Variants in SERGEF observed in about 807,000 individuals in gnomAD.
SERGEF encodes secretion regulating guanine nucleotide exchange factor, also known as secretion-regulating guanine nucleotide exchange factor.
In SERGEF, 51 loss-of-function variants were observed where a neutral mutation model predicts 50.0. The observed-to-expected ratio is 1.02, with a 90% CI of 0.81 to 1.29. The LOEUF (loss-of-function observed/expected upper bound fraction) is 1.29. Among genes scored for constraint, SERGEF ranks in the 50% most tolerant of loss-of-function variants. The pLI, the probability that SERGEF is intolerant of heterozygous loss-of-function variation, is 0.00. For synonymous variants in SERGEF, 205 were observed against 212.4 expected, an observed-to-expected ratio of 0.97 and a Z score of 0.30; for missense variants, 521 against 557.0, an observed-to-expected ratio of 0.94 and a Z score of 0.65.
intron 1 of SERGEF, 115 bp from the exon 2 acceptor site, chr11:18,008,191 GATTT>G: frequency 9.7e-7 from 1 of 1,029,570 alleles, no homozygotes; most frequent in Non-Finnish European, 1.4e-6. Context: ...TAACAGATGA[GATTT>G]ATTAGGCTCA....
chr11:17,885,115 C>CA (rs1337777438), intron 9 of SERGEF, among the ~76,000 whole-genome samples: 2 of 152,202 alleles, frequency 1.3e-5, no homozygotes. Flanking sequence ...CTCAAACTCT[C>CA]AAGTGACAGT....
intron 8 of SERGEF, among the ~76,000 whole-genome samples, chr11:17,976,600 G>T (rs1038629268): frequency 6.6e-6 from 1 of 151,386 alleles, no homozygotes; most frequent in Non-Finnish European, 1.5e-5. Flanking sequence ...GTGCCTGGCT[G>T]TCACTGTGAT....
intron 10 of SERGEF, among the ~76,000 whole-genome samples, chr11:17,789,442 C>T (rs1849442252): frequency 6.6e-6 from 1 of 152,178 alleles, no homozygotes; most frequent in Non-Finnish European, 1.5e-5. Flanking sequence ...TGAACAAATT[C>T]ATACAGCCAG....
intron 10 of SERGEF, among the ~76,000 whole-genome samples, chr11:17,842,051 C>T (rs940228569): frequency 6.6e-6 from 1 of 152,046 alleles, no homozygotes; most frequent in Non-Finnish European, 1.5e-5. Context: ...TTATCCTAGT[C>T]TGTAATTTTG....
chr11:17,811,454 C>A (rs1342130688), intron 10 of SERGEF, among the ~76,000 whole-genome samples: 1 of 152,214 alleles, frequency 6.6e-6, no homozygotes, highest in Non-Finnish European at 1.5e-5. Context: ...AGGCTCCAAG[C>A]TAAGAAGCCA....
At chr11:17,848,626 C>T (rs72873811) in intron 10 of SERGEF, among the ~76,000 whole-genome samples, 3,865 of 152,232 alleles carry the variant, frequency 0.025, 75 homozygotes, top group Non-Finnish European at 0.036. Flanking sequence ...ATAAACACTA[C>T]AAATTAGTGA....
At chr11:17,817,260 T>C (rs2133840761) in intron 10 of SERGEF, among the ~76,000 whole-genome samples, 1 of 151,368 alleles carries the variant, frequency 6.6e-6, no homozygotes, top group East Asian at 1.9e-4. Flanking sequence ...TCGCCCAGGC[T>C]GGAGAATGCA....
chr11:17,923,403 C>G (rs541928996), intron 9 of SERGEF, among the ~76,000 whole-genome samples: 1 of 152,312 alleles, frequency 6.6e-6, no homozygotes, highest in Non-Finnish European at 1.5e-5. Context: ...AAGTTCTGTC[C>G]TGAGGCCAAG....
intron 9 of SERGEF, among the ~76,000 whole-genome samples, chr11:17,929,220 T>C (rs965138308): frequency 2.0e-5 from 3 of 152,224 alleles, no homozygotes; most frequent in Non-Finnish European, 4.4e-5. Context: ...TCATCTCTCA[T>C]GCCCCCAAGA....
rs1446034066 is a variant in SERGEF, at chr11:17,884,249, G to T, written c.1012-6005C>A. ...TGGCCAGGGTGGAAGGGGAGTAACGGGGTTTAGGTTGGTACGGTACTGGGT... is the reference window on the plus strand; with the variant it reads ...TGGCCAGGGTGGAAGGGGAGTAACGTGGTTTAGGTTGGTACGGTACTGGGT... On this transcript the variant is annotated intron_variant, in intron 9 of 10. Transcript: ENST00000265965. The surrounding 1 kb of genome is among the most constrained non-coding windows in gnomAD (Gnocchi z 4.6). Among the ~76,000 whole-genome samples, 1 of 152,240 alleles carries T rather than the reference G, an allele frequency of 6.6e-6. No individual in the cohort carries two copies. Among genetic ancestry groups the T allele is most frequent in the Non-Finnish European group, 1.5e-5 (1 of 68,040 alleles).
intron 8 of SERGEF, among the ~76,000 whole-genome samples, chr11:17,968,011 G>T (rs1435233804): frequency 6.6e-6 from 1 of 152,214 alleles, no homozygotes; most frequent in Non-Finnish European, 1.5e-5. Flanking sequence ...GGAGCCACTG[G>T]CATGGTGCTT....
At position 17,790,871 on chromosome 11, in the gene SERGEF, T is replaced by G. The variant is rs1052637912; in HGVS notation, c.1049-2458A>C. ...CCTGACTACTAGTGAGATGGAGCAG[T>G]AGCGCTTTCTGTTGATTACCCGTTT... On this transcript the variant is annotated intron_variant, in intron 10 of 10. Coordinates refer to ENST00000265965, the MANE Select transcript of SERGEF (RefSeq NM_012139.4). Among the ~76,000 whole-genome samples, 14 of 152,250 alleles carry G rather than the reference T, an allele frequency of 9.2e-5. 1 individual carries two copies. Among genetic ancestry groups the G allele is most frequent in the Admixed American group, 5.2e-4 (8 of 15,282 alleles).
intron 5 of SERGEF, 150 bp downstream of exon 5, chr11:18,000,347 G>A: frequency 1.7e-6 from 1 of 574,288 alleles, no homozygotes; most frequent in South Asian, 2.6e-5. Flanking sequence ...TACTCAGGAG[G>A]CTGAGGCAGT....
chr11:17,971,053 G>C (rs1853238875), intron 8 of SERGEF, among the ~76,000 whole-genome samples: 1 of 152,120 alleles, frequency 6.6e-6, no homozygotes, highest in Non-Finnish European at 1.5e-5. Flanking sequence ...ACTTAGCCAG[G>C]TGTGGTGGTG....
At chr11:17,963,717 C>T (rs543827058) in intron 8 of SERGEF, among the ~76,000 whole-genome samples, 14 of 152,022 alleles carry the variant, frequency 9.2e-5, no homozygotes, top group African/African-American at 2.2e-4. Flanking sequence ...AACACATCAC[C>T]GATATATGTA....
At chr11:17,819,520 T>C (rs1399531176) in intron 10 of SERGEF, among the ~76,000 whole-genome samples, 2 of 152,232 alleles carry the variant, frequency 1.3e-5, no homozygotes, top group Non-Finnish European at 2.9e-5. Context: ...AAGTGCCTCA[T>C]CTGAGGTCAC....
chr11:17,978,949 G>A (rs1313988727), intron 8 of SERGEF, among the ~76,000 whole-genome samples: 7 of 152,280 alleles, frequency 4.6e-5, no homozygotes, highest in African/African-American at 1.4e-4. Context: ...TCTGCTTCAG[G>A]TGCACACATG....
At chr11:17,870,465 T>C (rs1371383596) in intron 10 of SERGEF, among the ~76,000 whole-genome samples, 1 of 152,186 alleles carries the variant, frequency 6.6e-6, no homozygotes, top group East Asian at 1.9e-4. Flanking sequence ...TAGGTAGCCT[T>C]TAGTAGCTAG....
At position 17,888,496 on chromosome 11, in the gene SERGEF, T is replaced by C. The variant is rs1205812197; in HGVS notation, c.1012-10252A>G. On this transcript the variant is annotated intron_variant, in intron 9 of 10. Transcript: ENST00000265965. The surrounding 1 kb of genome is among the most constrained non-coding windows in gnomAD (Gnocchi z 4.1). The stretch of plus-strand genomic sequence containing the variant: ...TTGTGGGACCATGCAAATGAGGAAA[T>C]ATATGAATGTTGCTAGGAGCCAGAA... 2.0e-5 allele frequency among the ~76,000 whole-genome samples: 3 copies of C among 152,144 alleles called. No homozygotes were observed. The highest frequency in any genetic ancestry group is 4.4e-5 in the Non-Finnish European group (3 of 68,026).
Sources: allele counts gnomAD v4.1 joint callset (sites outside exome capture counted in the v4.1 genomes callset), GRCh38; gene constraint gnomAD v4.1.1; non-coding constraint Gnocchi (gnomAD v3.1); transcripts MANE v1.5; gene names NCBI Gene and HGNC (gene_info 2026-07-23, HGNC 2026-07-21).